MTOR: variants seen among roughly 807,000 people sequenced by gnomAD.
MTOR encodes the protein serine/threonine-protein kinase mTOR.
A neutral mutation model predicts 319.8 loss-of-function variants in MTOR; 70 were observed. The observed-to-expected ratio is 0.22, with a 90% CI of 0.18 to 0.27. The LOEUF is 0.27. Among genes scored for constraint, MTOR ranks in the 10% least tolerant of loss-of-function variants. The probability of loss-of-function intolerance (pLI) is 1.00; values close to 1 mark genes in which losing one functional copy is unlikely to be tolerated. For missense variants in MTOR, 1,890 were observed against 3,274.4 expected, an observed-to-expected ratio of 0.58 and a Z score of 10.32; for synonymous variants, 1,183 against 1,211.4, an observed-to-expected ratio of 0.98 and a Z score of 0.49.
intron 30 of MTOR, among the ~76,000 whole-genome samples, chr1:11,154,822 G>A (rs1644267166): frequency 6.6e-6 from 1 of 151,810 alleles, no homozygotes; most frequent in African/African-American, 2.4e-5. Flanking sequence ...GTACTCCACT[G>A]AGAGACAGAT....
rs1571085008 is a variant in MTOR, at chr1:11,180,507, T to C, written c.4254-12990A>G. ...AACTGGCACAAATCCTCTAACATTC[T>C]TAAAGAATGACCAGGCCTGTTTTCC... On this transcript the variant is annotated intron_variant, in intron 28 of 57. Coordinates refer to ENST00000361445, the MANE Select transcript of MTOR (RefSeq NM_004958.4). Among the ~76,000 whole-genome samples, 3 of 152,146 alleles carry C rather than the reference T, an allele frequency of 2.0e-5. No individual in the cohort carries two copies. In the East Asian group the frequency reaches 5.8e-4, roughly 29 times the overall value.
At position 11,213,445 on chromosome 1, in the gene MTOR, C is replaced by G. The variant is rs754590649; in HGVS notation, c.3239G>C (p.Arg1080Pro). 2.5e-6 allele frequency: 4 copies of G among 1,613,612 alleles called. No individual in the cohort carries two copies. The highest frequency in any genetic ancestry group is 2.2e-5 in the South Asian group (2 of 91,062). ...TGGGCTGTTGTCATGCATGAAGACACGCAGCATGTGTGGGATCAGCTGGGG... is the reference window on the plus strand; with the variant it reads ...TGGGCTGTTGTCATGCATGAAGACAGGCAGCATGTGTGGGATCAGCTGGGG... ...YLPQLIPHMLRVFMHDNSPGR... is the reference protein window; with the variant it reads ...YLPQLIPHMLPVFMHDNSPGR... Residue 1080 changes from arginine (R) to proline (P), a missense_variant, in exon 21 of 58, where the codon CGT becomes CCT. Coordinates refer to ENST00000361445, the MANE Select transcript of MTOR (RefSeq NM_004958.4).
chr1:11,256,381 C>G (rs1650403809), intron 4 of MTOR, 189 bp from the exon 5 acceptor site: 2 of 942,148 alleles, frequency 2.1e-6, no homozygotes, highest in Non-Finnish European at 2.5e-6. Context: ...GCTCATTATC[C>G]TAGGTTGTTT....
chr1:11,115,280 G>T lies in MTOR; in HGVS notation c.7089+116C>A. 3.1e-6 allele frequency: 3 copies of T among 953,684 alleles called. No individual in the cohort carries two copies. The highest frequency in any genetic ancestry group is 1.4e-5 in the South Asian group (1 of 72,342). The allele number at this position is 953,684 out of a possible 1,614,324, so 59.1% of individuals were successfully genotyped here. A position where few individuals can be genotyped will look rare whatever the true frequency, so the allele number is the denominator to read the frequency against. ...ACTGACTTAACTACAGCCTTGGTAG[G>T]GCCAGCAGGGGTTAAGAGTAAGGCA... On this transcript the variant is annotated intron_variant, in intron 51 of 57. Coordinates refer to ENST00000361445, the MANE Select transcript of MTOR (RefSeq NM_004958.4). This position sits in a 1 kb window ranked among gnomAD's most constrained non-coding sequence, Gnocchi z 4.5.
At position 11,121,987 on chromosome 1, in the gene MTOR, T is replaced by A; in HGVS notation, c.6802A>T (p.Met2268Leu). 1 of 1,614,082 alleles carries A rather than the reference T, an allele frequency of 6.2e-7. No homozygotes were observed. The highest frequency in any genetic ancestry group is 8.5e-7 in the Non-Finnish European group (1 of 1,179,952). ...GTGGCCGCATCACATACCCGCAACA[T>A]GATGCGATGCTCGATGTTGAGAAGG... The part of the protein sequence containing the change: ...KILLNIEHRI[M>L]LRMAPDYDHL... Residue 2268 changes from methionine to leucine, a missense_variant, in exon 48 of 58, where the codon ATG becomes TTG. By Grantham distance (15) the Met-to-Leu change is conservative. This residue lies in a region of MTOR where 249 missense variants were observed against 596.2 expected (regional missense o/e 0.42). Coordinates refer to ENST00000361445, the MANE Select transcript of MTOR (RefSeq NM_004958.4). The surrounding 1 kb of genome is among the most constrained non-coding windows in gnomAD (Gnocchi z 4.9).
intron 49 of MTOR, among the ~76,000 whole-genome samples, chr1:11,118,650 GCT>G (rs895787817): frequency 2.1e-5 from 3 of 145,282 alleles, no homozygotes; most frequent in African/African-American, 7.7e-5. Context: ...ACAGGGTCTG[GCT>G]CTGTCACTCA....
chr1:11,200,162 AC>A (rs1645915291), intron 26 of MTOR, among the ~76,000 whole-genome samples: 1 of 152,236 alleles, frequency 6.6e-6, no homozygotes, highest in Non-Finnish European at 1.5e-5. Flanking sequence ...GTTGGCATTA[AC>A]AAATGCAGAA....
chr1:11,189,923 A>G (rs202182115), intron 28 of MTOR: 201 of 1,613,398 alleles, frequency 1.2e-4, no homozygotes, highest in Middle Eastern at 9.9e-4. Flanking sequence ...ATGCAGCTGC[A>G]GGCAGCACAG....
intron 32 of MTOR, among the ~76,000 whole-genome samples, chr1:11,146,435 TC>T (rs1382306627): frequency 6.6e-6 from 1 of 152,056 alleles, no homozygotes; most frequent in African/African-American, 2.4e-5. Context: ...ACAAGCTAAC[TC>T]CAAAAGCAAC....
chr1:11,232,760 G>A (rs534678787), intron 15 of MTOR, among the ~76,000 whole-genome samples: 3 of 152,068 alleles, frequency 2.0e-5, no homozygotes, highest in South Asian at 2.1e-4. Context: ...CTGTAATCCC[G>A]GCTACTTGGG....
At chr1:11,144,590 C>G in intron 34 of MTOR, 58 bp downstream of exon 34, 1 of 1,504,124 alleles carries the variant, frequency 6.6e-7, no homozygotes, top group Non-Finnish European at 9.2e-7. Context: ...GGGCACTCAC[C>G]CAGGTCCTGG....
At chr1:11,192,453 A>G in intron 28 of MTOR, 1 of 1,226,690 alleles carries the variant, frequency 8.2e-7, no homozygotes, top group African/African-American at 1.5e-5. Flanking sequence ...GGCCATTCAC[A>G]GTTTAAAGAA....
rs755044119 is a variant in MTOR at position 11,259,260 on chromosome 1, C to T, written c.150G>A (p.Met50Ile). 17 of 1,613,716 alleles carry T rather than the reference C, an allele frequency of 1.1e-5. No individual in the cohort carries two copies. In the African/African-American group the frequency reaches 2.3e-4, roughly 22 times the overall value. The part of the protein sequence containing the change: ...AAKELQHYVT[M>I]ELREMSQEES... Reference sequence around the variant, plus strand: ...ATCCCAGAAGCACCTCTCGGAGTTCCATGGTGACATAGTGCTGGAGCTCCT... The same window carrying T: ...ATCCCAGAAGCACCTCTCGGAGTTCTATGGTGACATAGTGCTGGAGCTCCT... The change falls in exon 2 of 58, where the codon ATG (methionine) becomes ATA (isoleucine). Residue 50 changes from methionine (M) to isoleucine (I), a missense_variant. Transcript: ENST00000361445.
At position 11,130,649 on chromosome 1, in the gene MTOR, G is replaced by A. The variant is rs151168559; in HGVS notation, c.5493C>T (p.Ala1831=). ...TGGTGGCAGTGGCGGCCGTGGTGGCGGCAGTGGTGGCGTTGGTGATGTTGG... is the reference window on the plus strand; with the variant it reads ...TGGTGGCAGTGGCGGCCGTGGTGGCAGCAGTGGTGGCGTTGGTGATGTTGG... ...SGANITNATT[A]ATTAATATTT... Residue 1831 remains alanine (A), a synonymous_variant, in exon 39 of 58, where the codon GCC becomes GCT. Transcript: ENST00000361445. 109 of 1,610,998 alleles carry A rather than the reference G, an allele frequency of 6.8e-5. No individual in the cohort carries two copies. The highest frequency in any genetic ancestry group is 9.0e-5 in the Non-Finnish European group (106 of 1,178,116).
intron 4 of MTOR, 134 bp downstream of exon 4, chr1:11,256,799 C>G: frequency 1.2e-6 from 1 of 806,774 alleles, no homozygotes; most frequent in South Asian, 1.7e-5. Context: ...CGGACTCTAC[C>G]CCATCTCACA....
At chr1:11,180,061 G>T (rs182288878) in intron 28 of MTOR, among the ~76,000 whole-genome samples, 8 of 152,234 alleles carry the variant, frequency 5.3e-5, no homozygotes, top group Non-Finnish European at 1.2e-4. Context: ...ACAAGCGCAT[G>T]CCATCATGCC....
At position 11,207,461 on chromosome 1, in the gene MTOR, T is replaced by A. The variant is rs1293298001; in HGVS notation, c.3801+1851A>T. Among the ~76,000 whole-genome samples, 17 of 136,366 alleles carry A rather than the reference T, an allele frequency of 1.2e-4. No homozygotes were observed. In the East Asian group the frequency reaches 3.9e-3, roughly 31 times the overall value. 89.5% of individuals were successfully genotyped at this position (136,366 alleles called of 152,430 possible). A position where few individuals can be genotyped will look rare whatever the true frequency, so the allele number is the denominator to read the frequency against. ...TCTTGCTCTGTCACCTGGGCTGGAG[T>A]GCAGTGGCGCAATCATAGCTCACTG... On this transcript the variant is annotated intron_variant, in intron 25 of 57. Transcript: ENST00000361445.
chr1:11,175,847 G>T (rs1644970881), intron 28 of MTOR, among the ~76,000 whole-genome samples: 1 of 151,786 alleles, frequency 6.6e-6, no homozygotes, highest in African/African-American at 2.4e-5. Flanking sequence ...CAGGCTCAAG[G>T]ATTCTCATGC....
At chr1:11,169,738 T>A (rs959205288) in intron 28 of MTOR, among the ~76,000 whole-genome samples, 2 of 152,220 alleles carry the variant, frequency 1.3e-5, no homozygotes, top group African/African-American at 4.8e-5. Flanking sequence ...CATATTTAAC[T>A]CATCTTTTTT....
Sources: gnomAD v4.1 joint callset for allele counts (sites outside exome capture counted in the v4.1 genomes callset) on GRCh38, gnomAD v4.1.1 for gene constraint, gnomAD v4.1.1 regional missense constraint, Gnocchi (gnomAD v3.1) non-coding constraint, MANE v1.5 for transcripts, NCBI Gene and HGNC (gene_info 2026-07-23, HGNC 2026-07-21) for gene names.